Variants in CD80 observed in about 807,000 individuals in gnomAD.
CD80 encodes the protein CD80 molecule, also known as T-lymphocyte activation antigen CD80.
Under a neutral mutation model 27.1 loss-of-function variants are expected in CD80, and 13 were observed. The observed-to-expected ratio is 0.48, with a 90% CI of 0.31 to 0.76. CD80 has a LOEUF of 0.76. CD80 is among the 30% of genes least tolerant of loss of function. CD80 has a pLI of 0.04. For missense variants in CD80, 277 were observed against 347.9 expected (o/e 0.80, Z 1.62); for synonymous variants, 125 against 125.5 (o/e 1.00, Z 0.03).
At chr3:119,530,647 G>A (rs1376310045) in intron 4 of CD80, among the ~76,000 whole-genome samples, 2 of 152,070 alleles carry the variant, frequency 1.3e-5, no homozygotes, top group South Asian at 2.1e-4. Context: ...ATGGTGCTGC[G>A]GGTCCATCCC....
At chr3:119,533,192 T>C (rs1038914816) in intron 4 of CD80, among the ~76,000 whole-genome samples, 7 of 152,032 alleles carry the variant, frequency 4.6e-5, no homozygotes, top group African/African-American at 1.7e-4. Flanking sequence ...GCCAGGTCTA[T>C]TGTGACACCT....
In CD80 at chr3:119,537,405, T is replaced by A; in HGVS notation, c.432A>T (p.Thr144=). The change falls in exon 4 of 7, where the codon ACA becomes ACT. Residue 144 remains threonine (T), a synonymous_variant. Transcript: ENST00000264246. ...GAATTTCAAAGTCAGATATACTAGG[T>A]GTAGGGAAGTCAGCTAAAGAAAGAA... ...VTLSVKADFP[T]PSISDFEIPT... 1 of 1,602,994 alleles carries A rather than the reference T, an allele frequency of 6.2e-7. No homozygotes were observed. The highest frequency in any genetic ancestry group is 8.5e-7 in the Non-Finnish European group (1 of 1,170,366).
intron 4 of CD80, among the ~76,000 whole-genome samples, 173 bp downstream of exon 4, chr3:119,536,964 G>C (rs1162736448): frequency 6.6e-6 from 1 of 152,210 alleles, no homozygotes; most frequent in African/African-American, 2.4e-5. Context: ...TGTAGCCTAG[G>C]TGTGCAGTAG....
At chr3:119,546,093 C>T (rs2082201302) in intron 2 of CD80, among the ~76,000 whole-genome samples, 2 of 152,128 alleles carry the variant, frequency 1.3e-5, no homozygotes, top group East Asian at 1.9e-4. Flanking sequence ...ATAACATAAC[C>T]TATCCCCTTC....
intron 2 of CD80, among the ~76,000 whole-genome samples, chr3:119,550,947 C>T (rs1014553201): frequency 2.6e-5 from 4 of 152,168 alleles, no homozygotes; most frequent in Non-Finnish European, 5.9e-5. Context: ...CCCCTCCATC[C>T]TGCTACTCTT....
At chr3:119,526,046 CTG>C (rs1268088844) in intron 6 of CD80, among the ~76,000 whole-genome samples, 1 of 152,056 alleles carries the variant, frequency 6.6e-6, no homozygotes, top group Non-Finnish European at 1.5e-5. Context: ...TAAAACTACT[CTG>C]GCAATTTTTG....
intron 2 of CD80, among the ~76,000 whole-genome samples, chr3:119,552,513 CAAAAAAAAAAAAAAA>C (rs11369803): frequency 3.2e-5 from 1 of 31,288 alleles, no homozygotes. Context: ...GACTCTGTCT[CAAAAAAAAAAAAAAA>C]AAAAAAAAAA....
chr3:119,539,948 T>G (rs1433937879), intron 3 of CD80, among the ~76,000 whole-genome samples: 1 of 152,114 alleles, frequency 6.6e-6, no homozygotes, highest in African/African-American at 2.4e-5. Flanking sequence ...TTCATAGAAA[T>G]CACTTAGCAC....
chr3:119,526,414 C>T (rs1326716840), intron 6 of CD80, among the ~76,000 whole-genome samples: 1 of 152,032 alleles, frequency 6.6e-6, no homozygotes, highest in Non-Finnish European at 1.5e-5. Context: ...CAGAACTGAG[C>T]CAGAGCAACA....
Position 119,557,813 on chromosome 3 carries a change from AG to A in CD80, c.-86del. 1.2e-6 allele frequency: 1 copy of A among 800,844 alleles called. No homozygotes were observed. Among genetic ancestry groups the A allele is most frequent in the Non-Finnish European group, 2.0e-6 (1 of 498,276 alleles). The allele number at this position is 800,844 out of a possible 1,614,324, so 49.6% of individuals were successfully genotyped here. A position where few individuals can be genotyped will look rare whatever the true frequency, so the allele number is the denominator to read the frequency against. On this transcript the variant is annotated 5_prime_UTR_variant, in exon 2 of 7. Transcript: ENST00000264246. ...GGCACTTCCCAGGTGCAAAACAGGC[AG>A]GGCTGATGACAATCCAATTGCTCAC...
chr3:119,535,541 A>G (rs1457360304), intron 4 of CD80, among the ~76,000 whole-genome samples: 1 of 152,154 alleles, frequency 6.6e-6, no homozygotes, highest in Non-Finnish European at 1.5e-5. Context: ...TTAAGCCATT[A>G]TAGGCCTAAG....
At chr3:119,546,157 T>C (rs1452589450) in intron 2 of CD80, among the ~76,000 whole-genome samples, 2 of 152,192 alleles carry the variant, frequency 1.3e-5, no homozygotes, top group African/African-American at 2.4e-5. Flanking sequence ...ATATGAGCCT[T>C]CTCTCACAGC....
intron 6 of CD80, among the ~76,000 whole-genome samples, chr3:119,526,677 A>G (rs2082067895): frequency 6.6e-6 from 1 of 152,186 alleles, no homozygotes; most frequent in Non-Finnish European, 1.5e-5. Context: ...TTGCTCATAG[A>G]GATTTTTATA....
intron 6 of CD80, 165 bp downstream of exon 6, chr3:119,527,568 G>A: frequency 3.8e-6 from 2 of 521,326 alleles, no homozygotes; most frequent in East Asian, 6.0e-5. Context: ...AATTGCATAT[G>A]GGGAGAAAGG....
chr3:119,557,243 G>T (rs141128213), intron 2 of CD80, among the ~76,000 whole-genome samples: 6 of 152,144 alleles, frequency 3.9e-5, no homozygotes, highest in African/African-American at 1.4e-4. Context: ...GGACACTTTC[G>T]CTGAGCTGTA....
chr3:119,530,153 C>T (rs2082102228), intron 4 of CD80, among the ~76,000 whole-genome samples: 2 of 152,184 alleles, frequency 1.3e-5, no homozygotes, highest in African/African-American at 4.8e-5. Flanking sequence ...GAAAAAGATA[C>T]TTTGAATGTC....
chr3:119,540,479 C>G (rs2082161836), intron 3 of CD80, among the ~76,000 whole-genome samples: 1 of 152,058 alleles, frequency 6.6e-6, no homozygotes, highest in African/African-American at 2.4e-5. Context: ...AACCCTGTCC[C>G]TAAATGAAGT....
intron 2 of CD80, among the ~76,000 whole-genome samples, chr3:119,549,724 A>C (rs1375040760): frequency 1.3e-5 from 2 of 152,246 alleles, no homozygotes; most frequent in African/African-American, 2.4e-5. Context: ...TAATGCAGAA[A>C]GGTCCAGGCA....
rs1236665949 is a variant in CD80, at chr3:119,524,326, C to T, written c.*1462G>A. ...GAAACGGTTCAACTTTGTTTCTTCCCTTAGTATTGCTGACAAAGTATCTGC... is the reference window on the plus strand; with the variant it reads ...GAAACGGTTCAACTTTGTTTCTTCCTTTAGTATTGCTGACAAAGTATCTGC... On this transcript the variant is annotated 3_prime_UTR_variant, in exon 7 of 7. Coordinates refer to ENST00000264246, the MANE Select transcript of CD80 (RefSeq NM_005191.4). The T allele has an allele frequency of 6.6e-6, 1 of 152,190 alleles. No individual in the cohort carries two copies. Among genetic ancestry groups the T allele is most frequent in the Non-Finnish European group, 1.5e-5 (1 of 68,016 alleles). The allele number at this position is 152,190 out of a possible 1,614,324, so 9.4% of individuals were successfully genotyped here. A position where few individuals can be genotyped will look rare whatever the true frequency, so the allele number is the denominator to read the frequency against.
Sources: gnomAD v4.1 joint callset for allele counts (sites outside exome capture counted in the v4.1 genomes callset) on GRCh38, gnomAD v4.1.1 for gene constraint, MANE v1.5 for transcripts, NCBI Gene and HGNC (gene_info 2026-07-23, HGNC 2026-07-21) for gene names.